Variants in PRKG1 observed in about 807,000 individuals in gnomAD.
PRKG1 encodes the protein protein kinase cGMP-dependent 1.
In PRKG1, 35 loss-of-function variants were observed where a neutral mutation model predicts 88.1. The ratio of observed to expected loss-of-function variants is 0.40; its 90% CI spans 0.30 to 0.53. PRKG1 has a LOEUF of 0.53. PRKG1 is among the 20% of genes least tolerant of loss of function. PRKG1 has a pLI of 0.59. For synonymous variants in PRKG1, 303 were observed against 292.5 expected, an observed-to-expected ratio of 1.04 and a Z score of -0.37; for missense variants, 540 against 839.8, an observed-to-expected ratio of 0.64 and a Z score of 4.41.
chr10:51,160,890 GTGTGTCTGTGTGTGTGTGCA>G (rs1022977067), intron 2 of PRKG1, among the ~76,000 whole-genome samples: 15 of 133,112 alleles, frequency 1.1e-4, no homozygotes, highest in African/African-American at 3.5e-4. Context: ...GTGTGTGTGT[GTGTGTCTGTGTGTGTGTGCA>G]TGTGTGTGTC....
At chr10:52,211,281 G>A (rs541254304) in intron 9 of PRKG1, among the ~76,000 whole-genome samples, 1 of 152,130 alleles carries the variant, frequency 6.6e-6, no homozygotes, top group African/African-American at 2.4e-5. Flanking sequence ...TGATACAAGG[G>A]AGAGATTATA....
intron 7 of PRKG1, among the ~76,000 whole-genome samples, chr10:52,064,074 G>A (rs1176266186): frequency 2.0e-5 from 3 of 152,188 alleles, no homozygotes; most frequent in African/African-American, 4.8e-5. Flanking sequence ...CTGGTCTGAA[G>A]GTGGGGCCTT....
intron 3 of PRKG1, among the ~76,000 whole-genome samples, chr10:51,579,210 G>T (rs1240903033): frequency 1.3e-5 from 2 of 151,860 alleles, no homozygotes; most frequent in Non-Finnish European, 2.9e-5. Context: ...TTGAACCCCT[G>T]ACCTCTAGTG....
intron 5 of PRKG1, among the ~76,000 whole-genome samples, chr10:51,921,068 A>T (rs1356559961): frequency 6.6e-6 from 1 of 152,078 alleles, no homozygotes; most frequent in Admixed American, 6.6e-5. Flanking sequence ...CAAATGAAAA[A>T]TGTCATATAT....
At chr10:51,289,032 A>G (rs1289456119) in intron 2 of PRKG1, among the ~76,000 whole-genome samples, 2 of 152,200 alleles carry the variant, frequency 1.3e-5, no homozygotes, top group East Asian at 3.8e-4. Context: ...AAGGCTAGGA[A>G]AATGACAATC....
intron 2 of PRKG1, among the ~76,000 whole-genome samples, chr10:51,388,187 T>C (rs961227492): frequency 6.6e-6 from 1 of 152,192 alleles, no homozygotes; most frequent in African/African-American, 2.4e-5. Context: ...GACACTTTCT[T>C]TTCATTAGTA....
intron 2 of PRKG1, among the ~76,000 whole-genome samples, chr10:51,240,885 C>T (rs10996282): frequency 0.041 from 6,202 of 152,254 alleles, 157 homozygotes; most frequent in South Asian, 0.074. Flanking sequence ...AAGTGGATCT[C>T]TTCCAAAAGA....
intron 2 of PRKG1, among the ~76,000 whole-genome samples, chr10:51,278,337 G>C (rs920873031): frequency 6.6e-6 from 1 of 152,142 alleles, no homozygotes; most frequent in African/African-American, 2.4e-5. Context: ...TTTTTGATGT[G>C]TTGCTGGATT....
In PRKG1 at chr10:51,018,187, A is replaced by G. The variant is rs558391983; in HGVS notation, c.266+26543A>G. Among the ~76,000 whole-genome samples the G allele has an allele frequency of 1.6e-3, 243 of 152,260 alleles. 1 individual carries two copies. The highest frequency in any genetic ancestry group is 5.8e-3 in the African/African-American group (239 of 41,556). ...AACTATTCTAGGAGATACCTTTTCC[A>G]AATGAAGAACTTATCTTTATTTCCC... On this transcript the variant is annotated intron_variant, in intron 1 of 17. Coordinates refer to the PRKG1 transcript ENST00000401604.
At chr10:52,155,936 TC>T (rs1056542813) in intron 8 of PRKG1, among the ~76,000 whole-genome samples, 19 of 152,110 alleles carry the variant, frequency 1.2e-4, no homozygotes, top group Admixed American at 3.9e-4. Flanking sequence ...AGGAGATAAT[TC>T]CTGAAATTAA....
chr10:51,671,590 C>CTCTCTCT (rs1554830684), intron 3 of PRKG1, among the ~76,000 whole-genome samples: 2 of 141,786 alleles, frequency 1.4e-5, no homozygotes, highest in South Asian at 4.5e-4. Flanking sequence ...CTCTCTCTCT[C>CTCTCTCT]TTTTTTTTTT....
At chr10:51,546,899 A>G (rs115582240) in intron 3 of PRKG1, among the ~76,000 whole-genome samples, 1 of 152,106 alleles carries the variant, frequency 6.6e-6, no homozygotes, top group African/African-American at 2.4e-5. Context: ...TTACTCATAG[A>G]TGAAGACAAG....
At chr10:51,300,066 AAAC>A (rs1840840503) in intron 2 of PRKG1, among the ~76,000 whole-genome samples, 2 of 152,242 alleles carry the variant, frequency 1.3e-5, no homozygotes, top group Admixed American at 1.3e-4. Flanking sequence ...TGATGAAACT[AAAC>A]CACAGTTGAT....
At position 51,964,277 on chromosome 10, in the gene PRKG1, G is replaced by T. The variant is rs528009874; in HGVS notation, c.762+56707G>T. ...AAATCCCTTTGCCAAGTAAAGTAAC[G>T]TGCATAGGTTCTGAGGATTAGGATG... On this transcript the variant is annotated intron_variant, in intron 5 of 17. Transcript: ENST00000373980. Among the ~76,000 whole-genome samples the T allele has an allele frequency of 7.2e-5, 11 of 152,252 alleles. No individual in the cohort carries two copies. The South Asian group carries it at 2.3e-3, about 32-fold the overall frequency.
intron 8 of PRKG1, among the ~76,000 whole-genome samples, chr10:52,156,130 A>ACACAGACAAACATCTAT (rs1564493551): frequency 6.6e-6 from 1 of 152,002 alleles, no homozygotes. Flanking sequence ...CAAAGCAAAG[A>ACACAGACAAACATCTAT]CACAGACAAA....
intron 6 of PRKG1, among the ~76,000 whole-genome samples, chr10:52,061,093 G>T (rs1203014871): frequency 6.6e-6 from 1 of 151,926 alleles, no homozygotes; most frequent in Admixed American, 6.6e-5. Context: ...ATCTATAAAA[G>T]CCTCTTCAGC....
At chr10:51,449,506 A>C (rs1490721431) in intron 2 of PRKG1, among the ~76,000 whole-genome samples, 3 of 148,024 alleles carry the variant, frequency 2.0e-5, no homozygotes, top group Non-Finnish European at 4.5e-5. Flanking sequence ...AGGACTTCAA[A>C]GTCTGTTAGG....
At chr10:51,021,244 A>G (rs975201970) in intron 1 of PRKG1, among the ~76,000 whole-genome samples, 1 of 152,220 alleles carries the variant, frequency 6.6e-6, no homozygotes, top group Non-Finnish European at 1.5e-5. Context: ...AAGCAATTTC[A>G]TGAGAACAGC....
intron 2 of PRKG1, among the ~76,000 whole-genome samples, chr10:51,229,729 G>A (rs1242171914): frequency 1.3e-5 from 2 of 152,018 alleles, no homozygotes; most frequent in Non-Finnish European, 2.9e-5. Context: ...AGGAGTTCAA[G>A]TCTGACCTGG....
Sources: allele counts gnomAD v4.1 joint callset (sites outside exome capture counted in the v4.1 genomes callset), GRCh38; gene constraint gnomAD v4.1.1; transcripts MANE v1.5; gene names NCBI Gene and HGNC (gene_info 2026-07-23, HGNC 2026-07-21).